The following TMTC2 variants were observed in gnomAD, a reference collection of about 807,000 sequenced individuals.
The protein encoded by TMTC2 is transmembrane O-mannosyltransferase targeting cadherins 2, also known as protein O-mannosyl-transferase TMTC2.
Under a neutral mutation model 82.4 loss-of-function variants are expected in TMTC2, and 43 were observed. That is an observed-to-expected ratio of 0.52 (90% confidence interval 0.41 to 0.67). The LOEUF (loss-of-function observed/expected upper bound fraction) is 0.67. Among genes scored for constraint, TMTC2 ranks in the 30% least tolerant of loss-of-function variants. The probability of loss-of-function intolerance (pLI) is 0.00; values close to 1 mark genes in which losing one functional copy is unlikely to be tolerated. For missense variants in TMTC2, 919 were observed against 1,012.4 expected (o/e 0.91, Z 1.25); for synonymous variants, 408 against 381.9 (o/e 1.07, Z -0.80).
In TMTC2 at chr12:82,744,021, C is replaced by A. The variant is rs1007331114; in HGVS notation, c.83+56352C>A. 2.6e-5 allele frequency among the ~76,000 whole-genome samples: 4 copies of A among 152,294 alleles called. No homozygotes were observed. In the South Asian group the frequency reaches 6.2e-4, roughly 24 times the overall value. On this transcript the variant is annotated intron_variant, in intron 1 of 11. Transcript: ENST00000321196. Reference sequence around the variant, plus strand: ...GGGCATGGTTGCTCGCACCTTTAATCCCTGTGCTCTGGGAGGCCAGGCGGG... The same window carrying A: ...GGGCATGGTTGCTCGCACCTTTAATACCTGTGCTCTGGGAGGCCAGGCGGG...
chr12:82,922,628 C>A (rs1875461853), intron 3 of TMTC2, among the ~76,000 whole-genome samples: 1 of 152,028 alleles, frequency 6.6e-6, no homozygotes, highest in African/African-American at 2.4e-5. Context: ...CTCTTTGCAG[C>A]ATAGACAGCT....
At chr12:82,988,533 AG>A (rs1422681716) in intron 8 of TMTC2, among the ~76,000 whole-genome samples, 4 of 152,068 alleles carry the variant, frequency 2.6e-5, no homozygotes, top group Non-Finnish European at 5.9e-5. Context: ...GTAAATAAAG[AG>A]AAGTTCAAGA....
At chr12:82,916,109 A>G (rs1874983917) in intron 3 of TMTC2, among the ~76,000 whole-genome samples, 1 of 152,256 alleles carries the variant, frequency 6.6e-6, no homozygotes, top group African/African-American at 2.4e-5. Flanking sequence ...GCGATCAGCC[A>G]TATATGAGGA....
chr12:82,764,579 T>G (rs576940586), intron 1 of TMTC2, among the ~76,000 whole-genome samples: 32 of 152,182 alleles, frequency 2.1e-4, no homozygotes, highest in Admixed American at 2.1e-3. Context: ...AAAGATACTT[T>G]ATTAAAAGAC....
Position 83,072,868 on chromosome 12 carries a change from CTTTAAG to C in TMTC2, c.2331+11042_2331+11047del, listed in dbSNP as rs1369691801. 2.0e-5 allele frequency among the ~76,000 whole-genome samples: 3 copies of C among 151,998 alleles called. No individual in the cohort carries two copies. The South Asian group carries it at 6.3e-4, about 32-fold the overall frequency. On this transcript the variant is annotated intron_variant, in intron 11 of 11. Coordinates refer to ENST00000321196, the MANE Select transcript of TMTC2 (RefSeq NM_152588.3). ...TCTCATGAAATGCCTTTTTTCACCG[CTTTAAG>C]TTTATGTGAGTCCTTATATGTTAAG... is the stretch of plus-strand genomic sequence containing the variant.
At position 82,894,214 on chromosome 12, in the gene TMTC2, A is replaced by G. The variant is rs558896327; in HGVS notation, c.655-1604A>G. The stretch of plus-strand genomic sequence containing the variant: ...CCAGTAGGCAACTGAATAATTGCCT[A>G]TGGAGGTGAGGGAGGGTGAAGGTAC... On this transcript the variant is annotated intron_variant, in intron 2 of 11. Transcript: ENST00000321196. Among the ~76,000 whole-genome samples, 233 of 152,310 alleles carry G rather than the reference A, an allele frequency of 1.5e-3. 1 individual carries two copies. Among genetic ancestry groups the G allele is most frequent in the African/African-American group, 5.4e-3 (224 of 41,558 alleles).
At chr12:83,084,110 A>G (rs758970288) in intron 11 of TMTC2, among the ~76,000 whole-genome samples, 1 of 152,192 alleles carries the variant, frequency 6.6e-6, no homozygotes, top group Admixed American at 6.5e-5. Flanking sequence ...GAATGAATTC[A>G]TACTCCTGAA....
intron 4 of TMTC2, among the ~76,000 whole-genome samples, chr12:82,944,267 G>C (rs546832586): frequency 1.5e-4 from 23 of 152,014 alleles, no homozygotes; most frequent in Non-Finnish European, 2.4e-4. Flanking sequence ...AGGGAATACC[G>C]ATATTTAAGG....
At chr12:82,947,970 C>T (rs957699895) in intron 4 of TMTC2, among the ~76,000 whole-genome samples, 6 of 152,160 alleles carry the variant, frequency 3.9e-5, no homozygotes, top group African/African-American at 1.4e-4. Flanking sequence ...CTAAATGATG[C>T]CTATGGCAAT....
intron 1 of TMTC2, among the ~76,000 whole-genome samples, chr12:82,716,361 A>ATTTT (rs750327404): frequency 4.6e-5 from 6 of 129,042 alleles, no homozygotes; most frequent in East Asian, 2.3e-4. Flanking sequence ...TGTCTGGTAC[A>ATTTT]TTTTTTTTTT....
At chr12:83,068,349 A>G (rs1459653545) in intron 11 of TMTC2, among the ~76,000 whole-genome samples, 1 of 152,182 alleles carries the variant, frequency 6.6e-6, no homozygotes, top group Admixed American at 6.5e-5. Flanking sequence ...CCTAATTAGA[A>G]CAAAAAAACA....
At chr12:82,710,694 AT>A (rs1053746965) in intron 1 of TMTC2, among the ~76,000 whole-genome samples, 1 of 152,224 alleles carries the variant, frequency 6.6e-6, no homozygotes, top group African/African-American at 2.4e-5. Context: ...GAAATCAAAT[AT>A]GGGTGAATCA....
chr12:83,120,395 T>A (rs1884910779), intron 11 of TMTC2, among the ~76,000 whole-genome samples: 1 of 152,220 alleles, frequency 6.6e-6, no homozygotes, highest in Admixed American at 6.5e-5. Flanking sequence ...AGACTGTATC[T>A]TTCCTTCATA....
At chr12:82,992,769 A>G (rs564848203) in intron 8 of TMTC2, among the ~76,000 whole-genome samples, 1 of 152,236 alleles carries the variant, frequency 6.6e-6, no homozygotes, top group African/African-American at 2.4e-5. Context: ...TCACTAAGTG[A>G]CACAGGAATC....
intron 1 of TMTC2, among the ~76,000 whole-genome samples, chr12:82,855,328 G>A (rs767752621): frequency 2.0e-5 from 3 of 152,102 alleles, no homozygotes; most frequent in South Asian, 4.1e-4. Flanking sequence ...ACTCAGGAAC[G>A]TTTTCCCTGA....
At chr12:82,901,146 A>G (rs1387396278) in intron 3 of TMTC2, among the ~76,000 whole-genome samples, 15 of 35,396 alleles carry the variant, frequency 4.2e-4, no homozygotes, top group African/African-American at 1.8e-3. Flanking sequence ...TCTGGAATAT[A>G]TATATAGGAA....
intron 1 of TMTC2, among the ~76,000 whole-genome samples, chr12:82,692,182 G>A (rs1387516327): frequency 6.6e-6 from 1 of 152,080 alleles, no homozygotes; most frequent in Non-Finnish European, 1.5e-5. Flanking sequence ...AGGGAAAATT[G>A]CCATCTGTCT....
At chr12:82,892,713 G>A (rs958971838) in intron 2 of TMTC2, among the ~76,000 whole-genome samples, 3 of 151,958 alleles carry the variant, frequency 2.0e-5, no homozygotes, top group African/African-American at 4.8e-5. Context: ...CTACATCCCC[G>A]ATCACTTCCA....
chr12:83,003,128 G>A (rs1460999216), intron 8 of TMTC2, among the ~76,000 whole-genome samples: 1 of 152,104 alleles, frequency 6.6e-6, no homozygotes, highest in Non-Finnish European at 1.5e-5. Context: ...ATTTAGGATA[G>A]TTAAGTCTTT....
Sources: gnomAD v4.1 joint callset for allele counts (sites outside exome capture counted in the v4.1 genomes callset) on GRCh38, gnomAD v4.1.1 for gene constraint, MANE v1.5 for transcripts, NCBI Gene and HGNC (gene_info 2026-07-23, HGNC 2026-07-21) for gene names.